Variants in NTNG1 observed in about 807,000 individuals in gnomAD.
NTNG1 encodes the protein netrin-G1.
In NTNG1, 16 loss-of-function variants were observed where a neutral mutation model predicts 54.0. That is an observed-to-expected ratio of 0.30 (90% CI 0.20 to 0.45). The LOEUF (loss-of-function observed/expected upper bound fraction) is 0.45, where lower values mean the gene tolerates loss of function less well. NTNG1 is among the 20% of genes least tolerant of loss of function. The pLI is 1.00. For synonymous variants in NTNG1, 255 were observed against 263.1 expected (o/e 0.97, Z 0.30); for missense variants, 530 against 678.7 (o/e 0.78, Z 2.43).
intron 2 of NTNG1, among the ~76,000 whole-genome samples, chr1:107,250,087 G>A (rs1662491388): frequency 6.6e-6 from 1 of 152,158 alleles, no homozygotes; most frequent in African/African-American, 2.4e-5. Flanking sequence ...AGTCTTTGAT[G>A]AAGCCTTCCT....
intron 3 of NTNG1, among the ~76,000 whole-genome samples, chr1:107,359,143 G>A (rs909551832): frequency 6.6e-6 from 1 of 152,226 alleles, no homozygotes; most frequent in Non-Finnish European, 1.5e-5. Context: ...AGCTGTTGGG[G>A]AGAACGGGTC....
intron 2 of NTNG1, among the ~76,000 whole-genome samples, chr1:107,192,485 A>G (rs142804173): frequency 0.013 from 1,908 of 151,976 alleles, 39 homozygotes; most frequent in African/African-American, 0.043. Flanking sequence ...TGGCCCCACA[A>G]TCTCAACTGT....
chr1:107,299,022 C>T (rs921506409), intron 2 of NTNG1, among the ~76,000 whole-genome samples: 1 of 152,128 alleles, frequency 6.6e-6, no homozygotes, highest in Admixed American at 6.6e-5. Flanking sequence ...GTTATGGGTA[C>T]ATTATGCTAT....
In NTNG1 at chr1:107,324,416, C is replaced by G. The variant is rs143347360; in HGVS notation, c.381C>G (p.Pro127=). The G allele has an allele frequency of 6.9e-4, 1,114 of 1,613,822 alleles. 4 individuals carry two copies. In the African/African-American group the frequency reaches 0.013, roughly 19 times the overall value. ...AGTCTGCCACTTGGAAGGAGTATCC[C>G]AAGCCTCTCCAGGTTAACATCACTC... ...FWQSATWKEY[P]KPLQVNITLS... is the part of the protein sequence containing the mutation. The change falls in exon 3 of 8, where the codon CCC becomes CCG. Residue 127 remains proline, a synonymous_variant. Transcript: ENST00000370068.
intron 1 of NTNG1, among the ~76,000 whole-genome samples, chr1:107,144,528 A>G (rs551210228): frequency 6.6e-6 from 1 of 152,268 alleles, no homozygotes; most frequent in Admixed American, 6.5e-5. Context: ...CTTTTGGAAT[A>G]TAATTGCCTG....
At chr1:107,317,055 A>G (rs1173553258) in intron 2 of NTNG1, among the ~76,000 whole-genome samples, 1 of 152,208 alleles carries the variant, frequency 6.6e-6, no homozygotes, top group Non-Finnish European at 1.5e-5. Flanking sequence ...CATGGCCTTC[A>G]GTAAATGGAC....
At chr1:107,462,473 A>G (rs7521848) in intron 7 of NTNG1, among the ~76,000 whole-genome samples, 5,745 of 152,294 alleles carry the variant, frequency 0.038, 226 homozygotes, top group African/African-American at 0.094. Flanking sequence ...CATGAAAAGC[A>G]CTTGGAAAAA....
At chr1:107,426,996 G>T (rs1036237535) in intron 5 of NTNG1, among the ~76,000 whole-genome samples, 10 of 152,010 alleles carry the variant, frequency 6.6e-5, no homozygotes, top group African/African-American at 2.2e-4. Flanking sequence ...TATTATTGGT[G>T]TATAGAAATG....
At chr1:107,142,345 G>C (rs996696069) in intron 1 of NTNG1, among the ~76,000 whole-genome samples, 7 of 150,828 alleles carry the variant, frequency 4.6e-5, no homozygotes, top group Non-Finnish European at 1.0e-4. Flanking sequence ...CTTAAGAGTA[G>C]GCTGTCATCT....
chr1:107,407,217 T>G (rs1397349929), intron 4 of NTNG1, among the ~76,000 whole-genome samples: 2 of 152,148 alleles, frequency 1.3e-5, no homozygotes, highest in Non-Finnish European at 1.5e-5. Flanking sequence ...AGCTAACACA[T>G]GCATCTCATA....
chr1:107,400,831 G>A (rs987141140), intron 4 of NTNG1, among the ~76,000 whole-genome samples: 1 of 151,988 alleles, frequency 6.6e-6, no homozygotes, highest in Non-Finnish European at 1.5e-5. Flanking sequence ...TGTATTTTTA[G>A]TAGAGAAAGG....
chr1:107,211,363 A>T (rs1272117630), intron 2 of NTNG1, among the ~76,000 whole-genome samples: 1 of 152,130 alleles, frequency 6.6e-6, no homozygotes, highest in Non-Finnish European at 1.5e-5. Flanking sequence ...GTAATATATA[A>T]TATATATTTG....
At chr1:107,143,238 A>G (rs1012335397) in intron 1 of NTNG1, 1 of 152,180 alleles carries the variant, frequency 6.6e-6, no homozygotes, top group Non-Finnish European at 1.5e-5. Flanking sequence ...TTATTTGAAC[A>G]TAAAGCTGGT....
At chr1:107,141,517 C>G (rs977613072) in intron 1 of NTNG1, 5 of 151,878 alleles carry the variant, frequency 3.3e-5, no homozygotes, top group African/African-American at 1.2e-4. Flanking sequence ...CCGTGCCCCT[C>G]TCCCCCGGGT....
chr1:107,411,029 TA>T (rs1199284750), intron 5 of NTNG1, among the ~76,000 whole-genome samples: 1 of 152,114 alleles, frequency 6.6e-6, no homozygotes, highest in Non-Finnish European at 1.5e-5. Context: ...AGTTTTGAAA[TA>T]AATAGAATTT....
chr1:107,190,849 C>T (rs916514585), intron 2 of NTNG1, among the ~76,000 whole-genome samples: 3 of 152,096 alleles, frequency 2.0e-5, no homozygotes, highest in Non-Finnish European at 4.4e-5. Flanking sequence ...AGGTTGGTTC[C>T]AAGTCTTTGC....
intron 7 of NTNG1, among the ~76,000 whole-genome samples, chr1:107,464,755 C>T (rs1284398063): frequency 6.6e-6 from 1 of 152,192 alleles, no homozygotes; most frequent in Non-Finnish European, 1.5e-5. Flanking sequence ...CTGCCTTCCA[C>T]CCTCCTGCAC....
At chr1:107,451,239 T>C (rs2101484241) in intron 7 of NTNG1, among the ~76,000 whole-genome samples, 1 of 152,148 alleles carries the variant, frequency 6.6e-6, no homozygotes, top group Admixed American at 6.6e-5. Flanking sequence ...AAGACTAACA[T>C]TGAGACTCTA....
chr1:107,174,229 A>G (rs1359341436), intron 2 of NTNG1, among the ~76,000 whole-genome samples: 1 of 152,114 alleles, frequency 6.6e-6, no homozygotes, highest in Non-Finnish European at 1.5e-5. Context: ...CAATCCTATA[A>G]GGTATCTATT....
Sources: allele counts gnomAD v4.1 joint callset (sites outside exome capture counted in the v4.1 genomes callset), GRCh38; gene constraint gnomAD v4.1.1; transcripts MANE v1.5; gene names NCBI Gene and HGNC (gene_info 2026-07-23, HGNC 2026-07-21).